GPALPP1: variants seen among roughly 807,000 people sequenced by gnomAD.
GPALPP1 encodes the protein GPALPP motifs-containing protein 1.
Under a neutral mutation model 38.9 loss-of-function variants are expected in GPALPP1, and 30 were observed. The observed-to-expected ratio is 0.77, with a 90% CI of 0.58 to 1.05. The LOEUF (loss-of-function observed/expected upper bound fraction) is 1.05. Ranked by LOEUF, GPALPP1 falls within the 50% of genes least tolerant of loss-of-function variation. The pLI, the probability that GPALPP1 is intolerant of heterozygous loss-of-function variation, is 0.00. For synonymous variants in GPALPP1, 120 were observed against 139.2 expected (o/e 0.86, Z 0.97); for missense variants, 384 against 408.8 (o/e 0.94, Z 0.52).
At chr13:45,025,835 G>C (rs1242215681) in intron 7 of GPALPP1, among the ~76,000 whole-genome samples, 2 of 151,412 alleles carry the variant, frequency 1.3e-5, no homozygotes, top group Non-Finnish European at 2.9e-5. Context: ...GCAATGGCAT[G>C]ATCTTGGCTT....
chr13:44,997,111 G>A (rs1450044926), intron 1 of GPALPP1, among the ~76,000 whole-genome samples: 1 of 146,146 alleles, frequency 6.8e-6, no homozygotes, highest in East Asian at 2.0e-4. Flanking sequence ...TTTTTGGACT[G>A]GCTTATTTCA....
chr13:44,993,237 G>C (rs1373343607), intron 1 of GPALPP1, among the ~76,000 whole-genome samples: 2 of 152,172 alleles, frequency 1.3e-5, no homozygotes, highest in Non-Finnish European at 2.9e-5. Context: ...TGTGAATAAT[G>C]CTGTTATGAA....
chr13:45,031,586 A>G (rs1050758616), downstream of GPALPP1: 5 of 152,154 alleles, frequency 3.3e-5, no homozygotes, highest in African/African-American at 7.2e-5. Context: ...CTTTCCGCCT[A>G]TTGCTTCCAG....
chr13:45,018,585 A>T (rs1277827386), intron 6 of GPALPP1, among the ~76,000 whole-genome samples: 2 of 151,994 alleles, frequency 1.3e-5, no homozygotes, highest in East Asian at 3.8e-4. Context: ...TAAAACATCT[A>T]TTTTCTGGGA....
intron 1 of GPALPP1, among the ~76,000 whole-genome samples, chr13:44,995,227 T>A (rs981479312): frequency 3.9e-5 from 5 of 128,484 alleles, no homozygotes; most frequent in Admixed American, 1.5e-4. Flanking sequence ...GTTTCTATGA[T>A]ACCATACTCC....
chr13:45,020,297 T>C (rs753173765), intron 6 of GPALPP1, 33 bp from the exon 7 acceptor site: 9 of 791,528 alleles, frequency 1.1e-5, no homozygotes, highest in Non-Finnish European at 1.8e-5. Flanking sequence ...AATCTTATGA[T>C]TCAGTAATGT....
At position 45,029,519 on chromosome 13, in the gene GPALPP1, T is replaced by C. The variant is rs1459213156; in HGVS notation, c.*1516T>C. ...AGAGGCTTCCATTCCCCCTGATTTT[T>C]GTGGTGTCTCACAAGTACCCTCTAA... is the stretch of plus-strand genomic sequence containing the variant. On this transcript the variant is annotated 3_prime_UTR_variant, in exon 8 of 8. Transcript: ENST00000379151. The C allele has an allele frequency of 2.6e-5, 4 of 152,240 alleles. No individual in the cohort carries two copies. The highest frequency in any genetic ancestry group is 5.9e-5 in the Non-Finnish European group (4 of 68,040). 9.4% of individuals were successfully genotyped at this position (152,240 alleles called of 1,614,324 possible).
intron 3 of GPALPP1, among the ~76,000 whole-genome samples, chr13:45,007,051 T>C (rs747905307): frequency 3.3e-5 from 5 of 152,008 alleles, no homozygotes; most frequent in Non-Finnish European, 7.4e-5. Context: ...GCTCCTAACT[T>C]CCATTAACTT....
At chr13:45,011,029 A>G (rs1296548138) in intron 4 of GPALPP1, among the ~76,000 whole-genome samples, 4 of 152,078 alleles carry the variant, frequency 2.6e-5, no homozygotes, top group Non-Finnish European at 2.9e-5. Flanking sequence ...ATCTGAGTGA[A>G]TGTCTACTAA....
In GPALPP1 at chr13:45,008,865, G is replaced by T; in HGVS notation, c.394G>T (p.Asp132Tyr). The T allele has an allele frequency of 6.3e-7, 1 of 1,580,716 alleles. No homozygotes were observed. Among genetic ancestry groups the T allele is most frequent in the South Asian group, 1.1e-5 (1 of 90,342 alleles). The change falls in exon 4 of 8, where the codon GAT becomes TAT. Residue 132 changes from aspartate (D) to tyrosine (Y), a missense_variant. Transcript: ENST00000379151. ...STQKSDKGRD[D>Y]PGQQETDSSE... ...ACAGAAAAGTGACAAGGGCAGAGAT[G>T]ATCCAGGACAACAGGTATCATCATC... is the stretch of plus-strand genomic sequence containing the variant.
At chr13:45,032,491 C>T (rs545414086), downstream of GPALPP1, among the ~76,000 whole-genome samples, 18 of 151,866 alleles carry the variant, frequency 1.2e-4, no homozygotes, top group South Asian at 4.2e-4. Context: ...CTGCAACCTC[C>T]ACCTCCCGAG....
intron 1 of GPALPP1, among the ~76,000 whole-genome samples, chr13:44,993,811 G>C (rs1220786400): frequency 1.2e-5 from 1 of 80,048 alleles, no homozygotes; most frequent in African/African-American, 3.4e-5. Flanking sequence ...ATTTCTGTTT[G>C]TCTTTTTTTT....
intron 4 of GPALPP1, among the ~76,000 whole-genome samples, chr13:45,013,818 T>C (rs1228940376): frequency 6.6e-6 from 1 of 152,176 alleles, no homozygotes; most frequent in African/African-American, 2.4e-5. Flanking sequence ...GCCCAAAGTA[T>C]AAACTGGTAA....
chr13:44,989,545 C>A lies in GPALPP1; in HGVS notation c.-110C>A. 1 of 1,517,544 alleles carries A rather than the reference C, an allele frequency of 6.6e-7. No individual in the cohort carries two copies. The highest frequency in any genetic ancestry group is 9.1e-7 in the Non-Finnish European group (1 of 1,102,406). 94.0% of individuals were successfully genotyped at this position (1,517,544 alleles called of 1,614,324 possible). A position where few individuals can be genotyped will look rare whatever the true frequency, so the allele number is the denominator to read the frequency against. ...GCCAACCACAGGCTTTACGTCATTT[C>A]TCGGCGCCGGGAAACCTGCCATTCT... On this transcript the variant is annotated 5_prime_UTR_variant, in exon 1 of 8. Transcript: ENST00000379151.
At chr13:45,008,154 T>G (rs1260590810) in intron 3 of GPALPP1, among the ~76,000 whole-genome samples, 4 of 152,242 alleles carry the variant, frequency 2.6e-5, no homozygotes, top group African/African-American at 9.6e-5. Context: ...AGGAAACAGA[T>G]GCACTGCTTG....
At chr13:45,009,462 G>A (rs1336949212) in intron 4 of GPALPP1, among the ~76,000 whole-genome samples, 8 of 151,928 alleles carry the variant, frequency 5.3e-5, no homozygotes, top group Non-Finnish European at 1.0e-4. Context: ...TCTTCTCCAC[G>A]GTTTCATGAA....
intron 4 of GPALPP1, among the ~76,000 whole-genome samples, chr13:45,012,178 A>C (rs1356240640): frequency 2.0e-5 from 3 of 152,148 alleles, no homozygotes; most frequent in Non-Finnish European, 2.9e-5. Context: ...CACCATGCAT[A>C]AAACCTGCAG....
At chr13:45,020,250 T>C (rs996894395) in intron 6 of GPALPP1, 80 bp from the exon 7 acceptor site, 8 of 623,180 alleles carry the variant, frequency 1.3e-5, no homozygotes, top group African/African-American at 7.8e-5. Flanking sequence ...TGTTACTTAA[T>C]CTAAGTAAAA....
At chr13:45,005,791 A>G (rs1490138421) in intron 2 of GPALPP1, among the ~76,000 whole-genome samples, 1 of 152,122 alleles carries the variant, frequency 6.6e-6, no homozygotes, top group Non-Finnish European at 1.5e-5. Flanking sequence ...TTGGAAGGCC[A>G]AGGTGGGGAG....
Sources: allele counts gnomAD v4.1 joint callset (sites outside exome capture counted in the v4.1 genomes callset), GRCh38; gene constraint gnomAD v4.1.1; transcripts MANE v1.5; gene names NCBI Gene and HGNC (gene_info 2026-07-23, HGNC 2026-07-21).